Variants in RGS17 observed in about 807,000 individuals in gnomAD.
RGS17 encodes regulator of G protein signaling 17.
In RGS17, 12 loss-of-function variants were observed where a neutral mutation model predicts 25.5. That is an observed-to-expected ratio of 0.47 (90% CI 0.30 to 0.76). RGS17 has a LOEUF of 0.76. Among genes scored for constraint, RGS17 ranks in the 30% least tolerant of loss-of-function variants. The pLI is 0.07. For synonymous variants in RGS17, 71 were observed against 76.9 expected, an observed-to-expected ratio of 0.92 and a Z score of 0.40; for missense variants, 196 against 242.2, an observed-to-expected ratio of 0.81 and a Z score of 1.27.
intron 1 of RGS17, among the ~76,000 whole-genome samples, chr6:153,104,920 G>A (rs1388981146): frequency 1.3e-5 from 2 of 151,932 alleles, no homozygotes; most frequent in East Asian, 1.9e-4. Context: ...TGGATATCTG[G>A]GGGAGGAACA....
At position 153,009,907 on chromosome 6, in the gene RGS17, C is replaced by A. The variant is rs913166183; in HGVS notation, c.*1667G>T. 7.3e-5 allele frequency: 11 copies of A among 151,670 alleles called. No individual in the cohort carries two copies. Among genetic ancestry groups the A allele is most frequent in the Non-Finnish European group, 1.5e-4 (10 of 67,770 alleles). The allele number at this position is 151,670 out of a possible 1,614,324, so 9.4% of individuals were successfully genotyped here. On this transcript the variant is annotated 3_prime_UTR_variant, in exon 5 of 5. Coordinates refer to ENST00000206262, the MANE Select transcript of RGS17 (RefSeq NM_012419.5). ...AGAAAATCATACTTGCTTAAAAAAA[C>A]CATTTTTGAAATGTTTTAAGTTTAT... is the stretch of plus-strand genomic sequence containing the variant.
At chr6:153,039,778 C>G (rs1354221036) in intron 2 of RGS17, among the ~76,000 whole-genome samples, 1 of 152,220 alleles carries the variant, frequency 6.6e-6, no homozygotes, top group East Asian at 1.9e-4. Context: ...TGTAAGCACA[C>G]AGCAGTTTCT....
intron 1 of RGS17, among the ~76,000 whole-genome samples, chr6:153,053,681 T>C (rs1584135556): frequency 6.6e-6 from 1 of 151,412 alleles, no homozygotes; most frequent in African/African-American, 2.4e-5. Context: ...AGGTACTTGC[T>C]ACTTGGGAAG....
chr6:153,119,614 A>G (rs1777594441), intron 1 of RGS17, among the ~76,000 whole-genome samples: 1 of 151,814 alleles, frequency 6.6e-6, no homozygotes, highest in East Asian at 1.9e-4. Flanking sequence ...AATTGCTTGA[A>G]CCCGGGAGGT....
chr6:153,040,986 T>C (rs1776314573), intron 2 of RGS17, among the ~76,000 whole-genome samples: 2 of 129,612 alleles, frequency 1.5e-5, no homozygotes, highest in South Asian at 2.7e-4. Flanking sequence ...AGCAAGATGC[T>C]GACTCCACTA....
chr6:153,009,751 C>T lies in RGS17; in HGVS notation c.*1823G>A, dbSNP rs1049508605. The T allele has an allele frequency of 6.6e-6, 1 of 151,806 alleles. No homozygotes were observed. The allele number at this position is 151,806 out of a possible 1,614,324, so 9.4% of individuals were successfully genotyped here. ...GGATAGTCAGCAACGCCAGTGTAAA[C>T]AGAATATTTTGTTTTCTACTCTGCA... On this transcript the variant is annotated 3_prime_UTR_variant, in exon 5 of 5. Transcript: ENST00000206262.
At chr6:153,114,308 C>A (rs532584721) in intron 1 of RGS17, among the ~76,000 whole-genome samples, 1 of 152,200 alleles carries the variant, frequency 6.6e-6, no homozygotes, top group South Asian at 2.1e-4. Context: ...AACACCTCTA[C>A]ACAAATAAGC....
chr6:153,104,578 A>C (rs150402049), intron 1 of RGS17, among the ~76,000 whole-genome samples: 1 of 152,252 alleles, frequency 6.6e-6, no homozygotes, highest in Non-Finnish European at 1.5e-5. Context: ...CGGATTCATT[A>C]ATTTATTCAA....
At chr6:153,041,375 T>C (rs1776318978) in intron 2 of RGS17, among the ~76,000 whole-genome samples, 1 of 152,126 alleles carries the variant, frequency 6.6e-6, no homozygotes, top group Non-Finnish European at 1.5e-5. Context: ...ATGTACCCAA[T>C]GTTTGGGGAT....
intron 1 of RGS17, among the ~76,000 whole-genome samples, chr6:153,100,508 G>A (rs1043779614): frequency 6.6e-6 from 1 of 150,740 alleles, no homozygotes; most frequent in Non-Finnish European, 1.5e-5. Context: ...TATCCTATAT[G>A]TATGTAAAAT....
rs117255764 is a variant in RGS17, at chr6:153,120,749, C to T, written c.-26+10375G>A. Among the ~76,000 whole-genome samples the T allele has an allele frequency of 4.9e-3, 749 of 152,240 alleles. 3 individuals carry two copies. Among genetic ancestry groups the T allele is most frequent in the Non-Finnish European group, 8.7e-3 (595 of 68,012 alleles). On this transcript the variant is annotated intron_variant, in intron 1 of 4. Transcript: ENST00000206262. ...AGCCTTATCATCTAGTGATTTCCTG[C>T]GAGTACTGTATGCTTTTGAAATATT...
At chr6:153,051,895 G>A (rs1254208742) in intron 1 of RGS17, among the ~76,000 whole-genome samples, 2 of 152,192 alleles carry the variant, frequency 1.3e-5, no homozygotes, top group Non-Finnish European at 2.9e-5. Flanking sequence ...AGCTACCTCA[G>A]CAGGAAAACT....
chr6:153,083,634 A>G (rs749516520), intron 1 of RGS17, among the ~76,000 whole-genome samples: 1 of 152,232 alleles, frequency 6.6e-6, no homozygotes, highest in Non-Finnish European at 1.5e-5. Context: ...GAAACAAACA[A>G]GAAACTGAAT....
chr6:153,020,106 A>AT (rs1779225272), intron 4 of RGS17, among the ~76,000 whole-genome samples: 1 of 32,766 alleles, frequency 3.1e-5, no homozygotes, highest in Non-Finnish European at 5.9e-5. Flanking sequence ...ATCTTAAAAA[A>AT]AAAAAATATA....
At chr6:153,012,934 G>A (rs151031684) in intron 4 of RGS17, among the ~76,000 whole-genome samples, 1 of 152,048 alleles carries the variant, frequency 6.6e-6, no homozygotes, top group Non-Finnish European at 1.5e-5. Context: ...AACAGACCAC[G>A]TGGATTTGGG....
At chr6:153,019,191 AGCT>A in intron 4 of RGS17, among the ~76,000 whole-genome samples, 2 of 152,344 alleles carry the variant, frequency 1.3e-5, no homozygotes, top group South Asian at 4.1e-4. Context: ...CACTAAAGCG[AGCT>A]GCTAAGTGGC....
chr6:153,092,956 T>A (rs2129121974), intron 1 of RGS17, among the ~76,000 whole-genome samples: 1 of 152,268 alleles, frequency 6.6e-6, no homozygotes, highest in East Asian at 1.9e-4. Flanking sequence ...TTCAGATTAC[T>A]CAATTTCCAC....
At chr6:153,109,209 G>C (rs566799204) in intron 1 of RGS17, among the ~76,000 whole-genome samples, 1 of 151,938 alleles carries the variant, frequency 6.6e-6, no homozygotes, top group Non-Finnish European at 1.5e-5. Flanking sequence ...TCAATTTCCT[G>C]TTTATCCCCT....
chr6:153,041,411 T>G (rs181029453), intron 2 of RGS17, among the ~76,000 whole-genome samples: 1 of 152,204 alleles, frequency 6.6e-6, no homozygotes, highest in Non-Finnish European at 1.5e-5. Flanking sequence ...AGAGAGTTGA[T>G]GCAGCTTCCG....
Sources: gnomAD v4.1 joint callset for allele counts (sites outside exome capture counted in the v4.1 genomes callset) on GRCh38, gnomAD v4.1.1 for gene constraint, MANE v1.5 for transcripts, NCBI Gene and HGNC (gene_info 2026-07-23, HGNC 2026-07-21) for gene names.